The following XKR9 variants were observed in gnomAD, a reference collection of about 807,000 sequenced individuals.
XKR9 encodes XK related 9.
A neutral mutation model predicts 32.0 loss-of-function variants in XKR9; 32 were observed. That is an observed-to-expected ratio of 1.00 (90% confidence interval 0.76 to 1.34). The LOEUF (loss-of-function observed/expected upper bound fraction) is 1.34. Ranked by LOEUF, XKR9 falls within the 40% of genes most tolerant of loss-of-function variation. XKR9 has a pLI of 0.00. For synonymous variants in XKR9, 168 were observed against 143.4 expected (o/e 1.17, Z -1.22); for missense variants, 546 against 429.7 (o/e 1.27, Z -2.39).
chr8:70,794,918 T>A (rs1807809750), downstream of XKR9, among the ~76,000 whole-genome samples: 1 of 152,026 alleles, frequency 6.6e-6, no homozygotes, highest in African/African-American at 2.4e-5. Context: ...GTTTTGATTC[T>A]CTTCTGTTTT....
the XKR9 span, among the ~76,000 whole-genome samples, chr8:70,925,897 A>AT: frequency 1.4e-3 from 220 of 152,346 alleles, 3 homozygotes; most frequent in Non-Finnish European, 2.2e-4. Flanking sequence ...TGACAAATGA[A>AT]TGAGATGATT....
the XKR9 span, among the ~76,000 whole-genome samples, chr8:70,801,653 A>AG: frequency 2.6e-5 from 4 of 152,116 alleles, no homozygotes; most frequent in African/African-American, 9.7e-5. Flanking sequence ...CTTTGGATGA[A>AG]GTGTTCTGGA....
intron 4 of XKR9, 97 bp from the exon 5 acceptor site, chr8:70,733,699 T>G: frequency 8.8e-7 from 1 of 1,135,146 alleles, no homozygotes; most frequent in Non-Finnish European, 1.2e-6. Context: ...GACGTGTTTG[T>G]GGGTGTGTGT....
At chr8:70,762,475 T>C (rs1356866060) in intron 2 of XKR9, among the ~76,000 whole-genome samples, 3 of 152,164 alleles carry the variant, frequency 2.0e-5, no homozygotes, top group Middle Eastern at 3.2e-3. Flanking sequence ...CATAGGAGCA[T>C]GAACCATATT....
chr8:70,806,898 A>G, the XKR9 span, among the ~76,000 whole-genome samples: 1 of 152,190 alleles, frequency 6.6e-6, no homozygotes, highest in African/African-American at 2.4e-5. Flanking sequence ...CAACATGGAA[A>G]TTTAGGAAAT....
chr8:70,975,958 A>G, the XKR9 span, among the ~76,000 whole-genome samples: 7 of 152,160 alleles, frequency 4.6e-5, no homozygotes, highest in Admixed American at 2.0e-4. Flanking sequence ...GGTCCTTCAC[A>G]TCCCTTGGAA....
chr8:70,848,797 A>G, the XKR9 span, among the ~76,000 whole-genome samples: 1 of 151,172 alleles, frequency 6.6e-6, no homozygotes, highest in Non-Finnish European at 1.5e-5. Flanking sequence ...AGGAGTTGCA[A>G]TTCTAGTCTC....
At chr8:70,791,087 G>T (rs181813928), downstream of XKR9, among the ~76,000 whole-genome samples, 2 of 151,906 alleles carry the variant, frequency 1.3e-5, no homozygotes, top group Non-Finnish European at 2.9e-5. Context: ...AAATTTCAGG[G>T]GTGAGATATA....
At chr8:70,912,358 G>C in the XKR9 span, among the ~76,000 whole-genome samples, 2 of 152,136 alleles carry the variant, frequency 1.3e-5, no homozygotes, top group African/African-American at 4.8e-5. Context: ...TGCATTACAT[G>C]AAGACTATAC....
At chr8:70,988,869 TCTA>T in the XKR9 span, among the ~76,000 whole-genome samples, 1 of 152,228 alleles carries the variant, frequency 6.6e-6, no homozygotes, top group Non-Finnish European at 1.5e-5. Context: ...ACCTCCTGTT[TCTA>T]CAGTTTTGAC....
chr8:70,715,989 A>T (rs1375119922), intron 4 of XKR9, among the ~76,000 whole-genome samples: 1 of 152,122 alleles, frequency 6.6e-6, no homozygotes, highest in Non-Finnish European at 1.5e-5. Context: ...AAACCAAGAA[A>T]GATGATAGGA....
At chr8:70,989,634 C>T in the XKR9 span, among the ~76,000 whole-genome samples, 3 of 152,092 alleles carry the variant, frequency 2.0e-5, no homozygotes, top group East Asian at 1.9e-4. Flanking sequence ...AGATCTTCTT[C>T]TTCTTGTTCT....
At chr8:70,999,413 G>A in the XKR9 span, among the ~76,000 whole-genome samples, 1 of 152,092 alleles carries the variant, frequency 6.6e-6, no homozygotes, top group Non-Finnish European at 1.5e-5. Flanking sequence ...AAGTCACTGA[G>A]TTATTCTAGC....
the XKR9 span, among the ~76,000 whole-genome samples, chr8:70,802,117 T>C: frequency 1.3e-4 from 20 of 151,832 alleles, no homozygotes; most frequent in Non-Finnish European, 2.5e-4. Context: ...TTTGTATTTT[T>C]AGTAGACACG....
the XKR9 span, among the ~76,000 whole-genome samples, chr8:71,035,576 A>G: frequency 6.6e-6 from 1 of 152,212 alleles, no homozygotes; most frequent in South Asian, 2.1e-4. Flanking sequence ...GCAGAGCCAC[A>G]TATCAGATAG....
intron 2 of XKR9, among the ~76,000 whole-genome samples, chr8:70,677,879 C>T (rs1467219802): frequency 6.6e-6 from 1 of 152,128 alleles, no homozygotes; most frequent in African/African-American, 2.4e-5. Context: ...CTATTCTTCT[C>T]CTATATAAGC....
chr8:70,840,100 A>G, the XKR9 span, among the ~76,000 whole-genome samples: 3 of 152,126 alleles, frequency 2.0e-5, no homozygotes, highest in Non-Finnish European at 4.4e-5. Flanking sequence ...GGAGCAGACA[A>G]TTTTAATAAG....
At chr8:70,676,222 TCTCA>T in intron 2 of XKR9, among the ~76,000 whole-genome samples, 1 of 152,082 alleles carries the variant, frequency 6.6e-6, no homozygotes, top group Middle Eastern at 3.4e-3. Context: ...AACAACCAGA[TCTCA>T]CTCACTATCG....
At chr8:70,672,110 G>A (rs2132093071) in intron 1 of XKR9, among the ~76,000 whole-genome samples, 1 of 54,906 alleles carries the variant, frequency 1.8e-5, no homozygotes, top group African/African-American at 5.4e-5. Flanking sequence ...CTCATGGGTA[G>A]GAAGAATCAA....
Sources: gnomAD v4.1 joint callset for allele counts (sites outside exome capture counted in the v4.1 genomes callset) on GRCh38, gnomAD v4.1.1 for gene constraint, MANE v1.5 for transcripts, NCBI Gene and HGNC (gene_info 2026-07-23, HGNC 2026-07-21) for gene names.